PDS5B: variants seen among roughly 807,000 people sequenced by gnomAD.
The protein encoded by PDS5B is PDS5 cohesin associated factor B, also known as sister chromatid cohesion protein PDS5 homolog B.
In PDS5B, 51 loss-of-function variants were observed where a neutral mutation model predicts 184.1. That is an observed-to-expected ratio of 0.28 (90% CI 0.22 to 0.35). The LOEUF is 0.35. Among genes scored for constraint, PDS5B ranks in the 10% least tolerant of loss-of-function variants. PDS5B has a pLI of 1.00. For missense variants in PDS5B, 1,180 were observed against 1,723.3 expected, an observed-to-expected ratio of 0.68 and a Z score of 5.58; for synonymous variants, 566 against 569.2, an observed-to-expected ratio of 0.99 and a Z score of 0.08.
chr13:32,753,319 T>G lies in PDS5B; in HGVS notation c.2737-13T>G. The G allele has an allele frequency of 6.2e-7, 1 of 1,600,094 alleles. No homozygotes were observed. Among genetic ancestry groups the G allele is most frequent in the Non-Finnish European group, 8.6e-7 (1 of 1,168,536 alleles). On this transcript the variant is annotated splice_polypyrimidine_tract_variant and intron_variant, in intron 24 of 34. Coordinates refer to ENST00000315596, the MANE Select transcript of PDS5B (RefSeq NM_015032.4). Reference sequence around the variant, plus strand: ...CCATTTGAATAATATCTGGAATAATTGTGTCTTTACAGGATGAATGCTATC... The same window carrying G: ...CCATTTGAATAATATCTGGAATAATGGTGTCTTTACAGGATGAATGCTATC...
intron 1 of PDS5B, among the ~76,000 whole-genome samples, chr13:32,595,696 C>T (rs2057854733): frequency 6.6e-6 from 1 of 152,170 alleles, no homozygotes; most frequent in Non-Finnish European, 1.5e-5. Context: ...ATAAACCAAA[C>T]TGAGCTGTTA....
intron 1 of PDS5B, among the ~76,000 whole-genome samples, chr13:32,636,104 C>T (rs2058552431): frequency 6.6e-6 from 1 of 152,064 alleles, no homozygotes; most frequent in Admixed American, 6.5e-5. Flanking sequence ...TTCAGCATTC[C>T]CTAAAGAGCC....
intron 19 of PDS5B, among the ~76,000 whole-genome samples, chr13:32,727,652 A>C (rs1211422049): frequency 2.0e-5 from 3 of 152,068 alleles, no homozygotes; most frequent in African/African-American, 7.2e-5. Flanking sequence ...GCAGATTCTG[A>C]TGAAAAGTGT....
chr13:32,750,847 C>CTG (rs71194534), intron 24 of PDS5B, among the ~76,000 whole-genome samples: 6,995 of 143,448 alleles, frequency 0.049, 181 homozygotes, highest in African/African-American at 0.076. Flanking sequence ...CGGCCTCCCT[C>CTG]TGTGTGTGTG....
intron 1 of PDS5B, among the ~76,000 whole-genome samples, chr13:32,587,487 C>T (rs993957883): frequency 4.6e-5 from 7 of 152,064 alleles, no homozygotes; most frequent in Non-Finnish European, 7.4e-5. Context: ...GGAGAAAAAC[C>T]TTGTTTGTTG....
chr13:32,737,983 A>G (rs578007827), intron 21 of PDS5B, among the ~76,000 whole-genome samples: 20 of 152,264 alleles, frequency 1.3e-4, no homozygotes, highest in African/African-American at 4.1e-4. Flanking sequence ...CATACCCTGT[A>G]TAGTCTTGGA....
intron 30 of PDS5B, among the ~76,000 whole-genome samples, chr13:32,762,538 C>T (rs1278533231): frequency 5.9e-5 from 9 of 152,074 alleles, no homozygotes; most frequent in Non-Finnish European, 1.3e-4. Flanking sequence ...CAAATGGTCT[C>T]ATATTTAACA....
intron 1 of PDS5B, among the ~76,000 whole-genome samples, chr13:32,630,602 C>G (rs762051971): frequency 3.3e-5 from 5 of 152,188 alleles, no homozygotes; most frequent in Non-Finnish European, 5.9e-5. Flanking sequence ...GTTCTCTGGT[C>G]TTTTTTGATA....
intron 1 of PDS5B, among the ~76,000 whole-genome samples, chr13:32,634,728 G>A (rs1168056125): frequency 6.6e-6 from 1 of 151,314 alleles, no homozygotes; most frequent in Non-Finnish European, 1.5e-5. Flanking sequence ...GGATTACAGC[G>A]CCTGCCACTG....
At chr13:32,709,678 TC>T (rs1952140486) in intron 18 of PDS5B, among the ~76,000 whole-genome samples, 1 of 152,106 alleles carries the variant, frequency 6.6e-6, no homozygotes, top group South Asian at 2.1e-4. Flanking sequence ...ATAATCAAAA[TC>T]TAAATTATTT....
chr13:32,758,415 G>T, intron 27 of PDS5B, 119 bp from the exon 28 acceptor site: 1 of 1,069,826 alleles, frequency 9.3e-7, no homozygotes, highest in Non-Finnish European at 1.4e-6. Context: ...TGCTTACACA[G>T]ACTGTTGCTT....
chr13:32,637,785 G>T (rs1441628227), intron 1 of PDS5B, among the ~76,000 whole-genome samples: 2 of 152,182 alleles, frequency 1.3e-5, no homozygotes, highest in Non-Finnish European at 1.5e-5. Context: ...GGTCAACTGT[G>T]TATCATACTG....
intron 1 of PDS5B, among the ~76,000 whole-genome samples, chr13:32,617,331 G>C (rs2058234485): frequency 6.6e-6 from 1 of 152,198 alleles, no homozygotes; most frequent in South Asian, 2.1e-4. Flanking sequence ...TTATCAGAGA[G>C]AGAGGTGTAA....
At chr13:32,759,003 G>A (rs2141011464) in intron 28 of PDS5B, among the ~76,000 whole-genome samples, 1 of 152,190 alleles carries the variant, frequency 6.6e-6, no homozygotes, top group Non-Finnish European at 1.5e-5. Flanking sequence ...TTGGTATGAG[G>A]AAACAAGCAG....
At chr13:32,741,699 C>CTGTGTGTGTGTGTGTGTGTGTG (rs3050179) in intron 22 of PDS5B, among the ~76,000 whole-genome samples, 2 of 139,178 alleles carry the variant, frequency 1.4e-5, no homozygotes, top group African/African-American at 5.4e-5. Flanking sequence ...CCCTTTCAGT[C>CTGTGTGTGTGTGTGTGTGTGTG]TGTGTGTGTG....
intron 1 of PDS5B, among the ~76,000 whole-genome samples, chr13:32,629,653 C>T (rs1175072386): frequency 2.6e-5 from 4 of 152,068 alleles, no homozygotes; most frequent in African/African-American, 7.2e-5. Flanking sequence ...TCATCTTATG[C>T]CCTTTGATTT....
intron 19 of PDS5B, among the ~76,000 whole-genome samples, chr13:32,727,363 A>T (rs145812116): frequency 6.6e-6 from 1 of 152,018 alleles, no homozygotes; most frequent in Admixed American, 6.6e-5. Context: ...ATAATGACAA[A>T]TTTCTTTTAC....
intron 22 of PDS5B, 53 bp downstream of exon 22, chr13:32,741,201 A>T: frequency 1.1e-6 from 1 of 944,192 alleles, no homozygotes; most frequent in Non-Finnish European, 1.7e-6. Context: ...ACATTGTAAT[A>T]TTTGAGGTAT....
Position 32,768,799 on chromosome 13 carries a change from AAAAAAAAG to A in PDS5B, c.3625-1314_3625-1307del, listed in dbSNP as rs1256893969. On this transcript the variant is annotated intron_variant, in intron 31 of 34. Coordinates refer to ENST00000315596, the MANE Select transcript of PDS5B (RefSeq NM_015032.4). ...CAGAGCGAGACTCTGTCTCAAAAAA[AAAAAAAAG>A]AAAAAAAAAAAAAGCTGGGTGCAGT... Among the ~76,000 whole-genome samples, 17 of 54,462 alleles carry A rather than the reference AAAAAAAAG, an allele frequency of 3.1e-4. 1 individual carries two copies. Among genetic ancestry groups the A allele is most frequent in the Non-Finnish European group, 5.4e-4 (11 of 20,306 alleles). The allele number at this position is 54,462 out of a possible 152,430, so 35.7% of individuals were successfully genotyped here. A position where few individuals can be genotyped will look rare whatever the true frequency, so the allele number is the denominator to read the frequency against.
Sources: gnomAD v4.1 joint callset for allele counts (sites outside exome capture counted in the v4.1 genomes callset) on GRCh38, gnomAD v4.1.1 for gene constraint, MANE v1.5 for transcripts, NCBI Gene and HGNC (gene_info 2026-07-23, HGNC 2026-07-21) for gene names.